The following ARHGAP20 variants were observed in gnomAD, a reference collection of about 807,000 sequenced individuals.
ARHGAP20 encodes the protein rho GTPase-activating protein 20.
Under a neutral mutation model 73.7 loss-of-function variants are expected in ARHGAP20, and 34 were observed. That is an observed-to-expected ratio of 0.46 (90% CI 0.35 to 0.61). The LOEUF (loss-of-function observed/expected upper bound fraction) is 0.61. ARHGAP20 is among the 20% of genes least tolerant of loss of function. The pLI, the probability that ARHGAP20 is intolerant of heterozygous loss-of-function variation, is 0.00. For missense variants in ARHGAP20, 1,314 were observed against 1,420.9 expected, an observed-to-expected ratio of 0.92 and a Z score of 1.21; for synonymous variants, 523 against 518.2, an observed-to-expected ratio of 1.01 and a Z score of -0.13.
intron 2 of ARHGAP20, among the ~76,000 whole-genome samples, chr11:110,678,197 G>C (rs1216895070): frequency 6.6e-6 from 1 of 152,160 alleles, no homozygotes; most frequent in African/African-American, 2.4e-5. Context: ...TGGTTGCTTA[G>C]AGCTGGGGAT....
At chr11:110,594,699 C>G (rs1177047741) in intron 9 of ARHGAP20, among the ~76,000 whole-genome samples, 1 of 152,116 alleles carries the variant, frequency 6.6e-6, no homozygotes, top group African/African-American at 2.4e-5. Flanking sequence ...CAGCCGAATT[C>G]TACCAGAGGT....
rs1947353397 is a variant in ARHGAP20, at chr11:110,578,782, A to G, written c.*588T>C. 1 of 985,542 alleles carries G rather than the reference A, an allele frequency of 1.0e-6. No individual in the cohort carries two copies. Among genetic ancestry groups the G allele is most frequent in the Non-Finnish European group, 1.2e-6 (1 of 829,950 alleles). 61.0% of individuals were successfully genotyped at this position (985,542 alleles called of 1,614,324 possible). A position where few individuals can be genotyped will look rare whatever the true frequency, so the allele number is the denominator to read the frequency against. On this transcript the variant is annotated 3_prime_UTR_variant, in exon 15 of 15. Coordinates refer to ENST00000683387, the MANE Select transcript of ARHGAP20 (RefSeq NM_001384657.1). ...CTCTGTTTTTCTCCACTCTAGCTGT[A>G]GCAATGGGCTGGTTCTTGGAATGAT...
At chr11:110,683,514 T>A (rs565977343) in intron 2 of ARHGAP20, among the ~76,000 whole-genome samples, 2 of 152,286 alleles carry the variant, frequency 1.3e-5, no homozygotes, top group South Asian at 4.1e-4. Flanking sequence ...CACTAATTCA[T>A]CCAACAAATA....
At chr11:110,645,868 T>C (rs1203343588) in intron 2 of ARHGAP20, among the ~76,000 whole-genome samples, 1 of 152,058 alleles carries the variant, frequency 6.6e-6, no homozygotes, top group Non-Finnish European at 1.5e-5. Context: ...ACACAGAAAC[T>C]GAAAACCAAA....
chr11:110,672,971 A>G (rs774849213), intron 2 of ARHGAP20, among the ~76,000 whole-genome samples: 1 of 152,178 alleles, frequency 6.6e-6, no homozygotes, highest in Non-Finnish European at 1.5e-5. Flanking sequence ...TATCTCAAAT[A>G]TCTCTCAACA....
At chr11:110,610,868 A>G (rs962812952) in intron 7 of ARHGAP20, among the ~76,000 whole-genome samples, 28 of 152,138 alleles carry the variant, frequency 1.8e-4, no homozygotes, top group Non-Finnish European at 3.2e-4. Flanking sequence ...GAAAAATTCT[A>G]TTACAGAGCA....
chr11:110,678,576 G>A (rs1213192437), intron 2 of ARHGAP20, among the ~76,000 whole-genome samples: 1 of 152,166 alleles, frequency 6.6e-6, no homozygotes, highest in Non-Finnish European at 1.5e-5. Context: ...TTCATAACTT[G>A]AAGATTACTC....
chr11:110,639,047 T>C (rs1949026640), intron 2 of ARHGAP20, among the ~76,000 whole-genome samples: 1 of 152,046 alleles, frequency 6.6e-6, no homozygotes, highest in Non-Finnish European at 1.5e-5. Flanking sequence ...CCAGGTTTTA[T>C]TTCCTTATTT....
intron 2 of ARHGAP20, among the ~76,000 whole-genome samples, chr11:110,647,041 G>T (rs192152366): frequency 1.3e-5 from 2 of 152,044 alleles, no homozygotes; most frequent in African/African-American, 4.8e-5. Flanking sequence ...AGTAACTTGA[G>T]AGAGAGAGAA....
chr11:110,658,932 C>T (rs141052884), intron 2 of ARHGAP20, among the ~76,000 whole-genome samples: 45 of 152,332 alleles, frequency 3.0e-4, no homozygotes, highest in African/African-American at 9.9e-4. Context: ...CCCCTCCTCA[C>T]TCTGCTTAAT....
intron 2 of ARHGAP20, among the ~76,000 whole-genome samples, chr11:110,664,854 G>T (rs1229559253): frequency 1.3e-5 from 2 of 151,984 alleles, no homozygotes; most frequent in Non-Finnish European, 2.9e-5. Context: ...ACAAAACACT[G>T]TTGAGAGTTA....
At chr11:110,598,338 G>A (rs1035556086) in intron 9 of ARHGAP20, among the ~76,000 whole-genome samples, 8 of 152,142 alleles carry the variant, frequency 5.3e-5, no homozygotes, top group Non-Finnish European at 1.5e-5. Context: ...ATAGAGCTGG[G>A]AGTTCAGGAC....
chr11:110,638,162 A>G (rs1231979902), intron 2 of ARHGAP20, among the ~76,000 whole-genome samples: 1 of 152,082 alleles, frequency 6.6e-6, no homozygotes, highest in East Asian at 1.9e-4. Flanking sequence ...ATAAGTACAA[A>G]TTCCATACTT....
chr11:110,688,022 TAA>T (rs1012189032), intron 2 of ARHGAP20, among the ~76,000 whole-genome samples: 1 of 152,196 alleles, frequency 6.6e-6, no homozygotes, highest in African/African-American at 2.4e-5. Context: ...TTGAAATGTA[TAA>T]AAATACTTTG....
At chr11:110,651,835 CT>C (rs913980026) in intron 2 of ARHGAP20, among the ~76,000 whole-genome samples, 41 of 152,182 alleles carry the variant, frequency 2.7e-4, no homozygotes, top group Admixed American at 2.0e-3. Context: ...ACCATTTCTT[CT>C]CGACCTATTC....
At chr11:110,625,194 C>T (rs1056110912) in intron 3 of ARHGAP20, among the ~76,000 whole-genome samples, 38 of 150,426 alleles carry the variant, frequency 2.5e-4, no homozygotes, top group Non-Finnish European at 3.7e-4. Flanking sequence ...CCCGCCACCG[C>T]GCCCGGCTAA....
intron 2 of ARHGAP20, among the ~76,000 whole-genome samples, chr11:110,641,355 C>T (rs964317729): frequency 2.6e-5 from 4 of 152,020 alleles, no homozygotes; most frequent in African/African-American, 9.7e-5. Context: ...ATAATTTCCT[C>T]ATAACCTTGA....
chr11:110,615,447 T>C, intron 5 of ARHGAP20, 106 bp downstream of exon 5: 1 of 1,052,468 alleles, frequency 9.5e-7, no homozygotes. Flanking sequence ...AAATGAACAA[T>C]TTCTACTAAG....
At chr11:110,616,411 T>C (rs1246557114) in intron 4 of ARHGAP20, among the ~76,000 whole-genome samples, 2 of 152,148 alleles carry the variant, frequency 1.3e-5, no homozygotes, top group African/African-American at 4.8e-5. Context: ...CTTGCTCTGT[T>C]GCCTGGGCTG....
Sources: gnomAD v4.1 joint callset for allele counts (sites outside exome capture counted in the v4.1 genomes callset) on GRCh38, gnomAD v4.1.1 for gene constraint, MANE v1.5 for transcripts, NCBI Gene and HGNC (gene_info 2026-07-23, HGNC 2026-07-21) for gene names.